Variants in PPP1R1C observed in about 807,000 individuals in gnomAD.
PPP1R1C encodes protein phosphatase 1 regulatory subunit 1C.
PPP1R1C carries 15 observed loss-of-function variants against 17.4 expected under a neutral mutation model. The ratio of observed to expected loss-of-function variants is 0.86; its 90% CI spans 0.58 to 1.33. PPP1R1C has a LOEUF of 1.33. Ranked by LOEUF, PPP1R1C falls within the 40% of genes most tolerant of loss-of-function variation. PPP1R1C has a pLI of 0.00. For synonymous variants in PPP1R1C, 35 were observed against 43.1 expected, an observed-to-expected ratio of 0.81 and a Z score of 0.73; for missense variants, 143 against 130.0, an observed-to-expected ratio of 1.10 and a Z score of -0.48.
At chr2:182,066,085 A>G (rs1687975308) in intron 4 of PPP1R1C, among the ~76,000 whole-genome samples, 2 of 152,150 alleles carry the variant, frequency 1.3e-5, no homozygotes, top group Admixed American at 6.6e-5. Context: ...CTTTAATTCT[A>G]TTAATGCAAC....
chr2:182,105,622 A>G (rs1689221912), intron 4 of PPP1R1C, among the ~76,000 whole-genome samples: 1 of 152,208 alleles, frequency 6.6e-6, no homozygotes, highest in African/African-American at 2.4e-5. Flanking sequence ...GGGAAGTGCT[A>G]TAATCTCCAG....
chr2:181,965,682 A>G (rs939794199), intron 1 of PPP1R1C, among the ~76,000 whole-genome samples: 3 of 152,294 alleles, frequency 2.0e-5, no homozygotes, highest in African/African-American at 4.8e-5. Context: ...AGTAACCAAA[A>G]CCATGCTGTT....
downstream of PPP1R1C, chr2:182,130,857 A>G (rs1048193296): frequency 3.9e-5 from 6 of 152,202 alleles, no homozygotes; most frequent in Non-Finnish European, 5.9e-5. Flanking sequence ...TAAAAATTAA[A>G]ATGACATGAA....
chr2:182,034,393 T>C (rs1429325320), intron 2 of PPP1R1C, among the ~76,000 whole-genome samples: 1 of 152,056 alleles, frequency 6.6e-6, no homozygotes, highest in Admixed American at 6.6e-5. Flanking sequence ...ATGGAAGAGA[T>C]AGAGTGTATA....
chr2:182,049,571 G>A (rs1312115875), intron 2 of PPP1R1C, among the ~76,000 whole-genome samples: 2 of 151,948 alleles, frequency 1.3e-5, no homozygotes, highest in Non-Finnish European at 2.9e-5. Flanking sequence ...TTACACAGAG[G>A]GGTGGAACAT....
chr2:182,084,072 G>A (rs555516282), intron 4 of PPP1R1C, among the ~76,000 whole-genome samples: 1 of 151,908 alleles, frequency 6.6e-6, no homozygotes. Flanking sequence ...TCTATTGAGA[G>A]CTATCTATTC....
chr2:182,057,547 C>T (rs1687723632), intron 2 of PPP1R1C, among the ~76,000 whole-genome samples: 1 of 152,136 alleles, frequency 6.6e-6, no homozygotes, highest in Non-Finnish European at 1.5e-5. Flanking sequence ...GTTCCATTAT[C>T]TCCCCACATT....
At position 181,976,591 on chromosome 2, in the gene PPP1R1C, T is replaced by A. The variant is rs562765608; in HGVS notation, n.157+1327T>A. On this transcript the variant is annotated intron_variant and non_coding_transcript_variant, in intron 2 of 5. Coordinates refer to the PPP1R1C transcript ENST00000464264. This position sits in a 1 kb window ranked among gnomAD's most constrained non-coding sequence, Gnocchi z 4.8. The stretch of plus-strand genomic sequence containing the variant: ...TCTCCTCACCTTAATATAAATTTTA[T>A]CTATATATCTGTATATCTATATCTA... Among the ~76,000 whole-genome samples, 51 of 152,336 alleles carry A rather than the reference T, an allele frequency of 3.3e-4. No individual in the cohort carries two copies. Among genetic ancestry groups the A allele is most frequent in the Admixed American group, 9.1e-4 (14 of 15,308 alleles).
chr2:182,123,269 TG>T (rs1412562094), intron 5 of PPP1R1C, among the ~76,000 whole-genome samples: 1 of 152,260 alleles, frequency 6.6e-6, no homozygotes, highest in African/African-American at 2.4e-5. Context: ...ACATTTGGGT[TG>T]GTTCCAAGTC....
intron 4 of PPP1R1C, among the ~76,000 whole-genome samples, chr2:182,066,540 T>G (rs945249024): frequency 6.6e-6 from 1 of 152,074 alleles, no homozygotes; most frequent in Non-Finnish European, 1.5e-5. Context: ...CAAATAGACT[T>G]ATTATATCAG....
In PPP1R1C at chr2:182,086,174, G is replaced by GA. The variant is rs961950520; in HGVS notation, c.241+22390dup. On this transcript the variant is annotated intron_variant, in intron 4 of 4. Coordinates refer to ENST00000682840, the MANE Select transcript of PPP1R1C (RefSeq NM_001080545.3). ...TAAATGACAGACTAGAAAAGAAGTA[G>GA]AAAAAAATGTTATCATCATTATATC... Among the ~76,000 whole-genome samples, 16 of 151,788 alleles carry GA rather than the reference G, an allele frequency of 1.1e-4. 1 individual carries two copies. Among genetic ancestry groups the GA allele is most frequent in the Admixed American group, 8.5e-4 (13 of 15,236 alleles).
intron 1 of PPP1R1C, 75 bp from the exon 2 acceptor site, chr2:181,987,764 G>A (rs867404562): frequency 4.0e-6 from 6 of 1,482,992 alleles, no homozygotes; most frequent in Non-Finnish European, 4.7e-6. Flanking sequence ...GGGTGAGACA[G>A]CTTTGCAAGC....
chr2:182,108,682 T>C (rs944934531), intron 4 of PPP1R1C, among the ~76,000 whole-genome samples: 2 of 152,220 alleles, frequency 1.3e-5, no homozygotes, highest in African/African-American at 4.8e-5. Flanking sequence ...TTAATGATTA[T>C]TCCATTTTTT....
At chr2:182,068,371 C>T (rs773692739) in intron 4 of PPP1R1C, among the ~76,000 whole-genome samples, 2 of 152,126 alleles carry the variant, frequency 1.3e-5, no homozygotes, top group Non-Finnish European at 2.9e-5. Flanking sequence ...CTTCACCCTG[C>T]AGCATGAAGG....
At chr2:182,089,303 A>T (rs1222276851) in intron 4 of PPP1R1C, among the ~76,000 whole-genome samples, 1 of 152,220 alleles carries the variant, frequency 6.6e-6, no homozygotes, top group Non-Finnish European at 1.5e-5. Context: ...AAATCCTTAA[A>T]GACCACCCCT....
In PPP1R1C at chr2:182,004,199, C is replaced by T. The variant is rs149210851; in HGVS notation, c.142+16300C>T. ...TGTTTAGGGGCAGACATCTCATTTGCTCTAAGTCCTGTCTTATCTAAAATT... is the reference window on the plus strand; with the variant it reads ...TGTTTAGGGGCAGACATCTCATTTGTTCTAAGTCCTGTCTTATCTAAAATT... On this transcript the variant is annotated intron_variant, in intron 2 of 4. Coordinates refer to ENST00000682840, the MANE Select transcript of PPP1R1C (RefSeq NM_001080545.3). Among the ~76,000 whole-genome samples, 1,082 of 152,274 alleles carry T rather than the reference C, an allele frequency of 7.1e-3. 17 individuals are homozygous for T. The highest frequency in any genetic ancestry group is 0.025 in the African/African-American group (1,041 of 41,556).
chr2:182,028,962 T>C (rs549899220), intron 2 of PPP1R1C, among the ~76,000 whole-genome samples: 2 of 133,468 alleles, frequency 1.5e-5, no homozygotes, highest in African/African-American at 5.5e-5. Context: ...TTTACCATTA[T>C]GTAATGGCCT....
intron 4 of PPP1R1C, among the ~76,000 whole-genome samples, chr2:182,066,984 G>A (rs1688004332): frequency 1.3e-5 from 2 of 151,896 alleles, no homozygotes; most frequent in South Asian, 4.2e-4. Flanking sequence ...GTGTGTGTGT[G>A]TGTGTGTGTG....
At chr2:181,980,827 C>T (rs2125136843) in intron 2 of PPP1R1C, among the ~76,000 whole-genome samples, 1 of 152,154 alleles carries the variant, frequency 6.6e-6, no homozygotes, top group African/African-American at 2.4e-5. Context: ...ATTCAGCACT[C>T]ATATACACTC....
Sources: allele counts gnomAD v4.1 joint callset (sites outside exome capture counted in the v4.1 genomes callset), GRCh38; gene constraint gnomAD v4.1.1; non-coding constraint Gnocchi (gnomAD v3.1); transcripts MANE v1.5; gene names NCBI Gene and HGNC (gene_info 2026-07-23, HGNC 2026-07-21).